The following ARID4B variants were observed in gnomAD, a reference collection of about 807,000 sequenced individuals.
ARID4B encodes AT-rich interaction domain 4B, also known as AT-rich interactive domain-containing protein 4B.
In ARID4B, 26 loss-of-function variants were observed where a neutral mutation model predicts 147.5. The ratio of observed to expected loss-of-function variants is 0.18; its 90% CI spans 0.13 to 0.24. The LOEUF is 0.24. Ranked by LOEUF, ARID4B falls within the 10% of genes least tolerant of loss-of-function variation. The pLI is 1.00. For synonymous variants in ARID4B, 512 were observed against 507.9 expected (o/e 1.01, Z -0.11); for missense variants, 1,179 against 1,511.5 (o/e 0.78, Z 3.65).
rs556868140 is a variant in ARID4B at position 235,276,386 on chromosome 1, A to T, written c.7-15634T>A. On this transcript the variant is annotated intron_variant, in intron 2 of 23. Transcript: ENST00000264183. The stretch of plus-strand genomic sequence containing the variant: ...CAGATGCGTCTGGCCCTACAATCTT[A>T]TTAAAAATATATTTACACTTTTTAA... 2.6e-3 allele frequency among the ~76,000 whole-genome samples: 398 copies of T among 152,258 alleles called. 2 individuals are homozygous for T. The highest frequency in any genetic ancestry group is 0.024 in the Middle Eastern group (7 of 294).
intron 17 of ARID4B, among the ~76,000 whole-genome samples, chr1:235,198,630 G>A (rs576061143): frequency 1.3e-5 from 2 of 152,260 alleles, no homozygotes; most frequent in South Asian, 2.1e-4. Flanking sequence ...AAAGAAGGAT[G>A]GTACAAGAGG....
chr1:235,226,978 G>C (rs2103038928), intron 11 of ARID4B, among the ~76,000 whole-genome samples: 1 of 152,268 alleles, frequency 6.6e-6, no homozygotes, highest in South Asian at 2.1e-4. Context: ...AGGAGCAGTA[G>C]TAGTTTAGAC....
At position 235,229,210 on chromosome 1, in the gene ARID4B, G is replaced by A. The variant is rs202224269; in HGVS notation, c.897+21C>T. On this transcript the variant is annotated intron_variant, in intron 11 of 23. Transcript: ENST00000264183. ...CAACTGTTATTTATAATTTTAAAAGGTATCAACTGTTTTCACTTACTTCTT... is the reference window on the plus strand; with the variant it reads ...CAACTGTTATTTATAATTTTAAAAGATATCAACTGTTTTCACTTACTTCTT... The A allele has an allele frequency of 2.1e-4, 334 of 1,605,140 alleles. 1 individual carries two copies. In the African/African-American group the frequency reaches 4.0e-3, roughly 19 times the overall value.
intron 2 of ARID4B, among the ~76,000 whole-genome samples, chr1:235,309,947 G>C (rs1039771031): frequency 6.6e-6 from 1 of 152,130 alleles, no homozygotes; most frequent in African/African-American, 2.4e-5. Context: ...GGAGGTGCAA[G>C]ATGTGCTTTG....
At chr1:235,314,744 CAAT>C (rs1674312185) in intron 2 of ARID4B, among the ~76,000 whole-genome samples, 2 of 151,970 alleles carry the variant, frequency 1.3e-5, no homozygotes. Context: ...TGATATATAA[CAAT>C]ATATATAACA....
At chr1:235,240,760 C>A (rs951410072) in intron 7 of ARID4B, among the ~76,000 whole-genome samples, 1 of 152,044 alleles carries the variant, frequency 6.6e-6, no homozygotes, top group African/African-American at 2.4e-5. Context: ...TATTAAACAT[C>A]CCAGTATTAC....
intron 2 of ARID4B, among the ~76,000 whole-genome samples, chr1:235,265,686 G>A (rs1231885363): frequency 7.0e-6 from 1 of 143,160 alleles, no homozygotes; most frequent in Non-Finnish European, 1.5e-5. Context: ...GCGACACTGA[G>A]ACCTTGTCTC....
intron 11 of ARID4B, among the ~76,000 whole-genome samples, chr1:235,226,395 C>A (rs1028033563): frequency 6.6e-6 from 1 of 152,156 alleles, no homozygotes; most frequent in African/African-American, 2.4e-5. Context: ...GAGTCTTGCT[C>A]TGTCGCCCAG....
intron 16 of ARID4B, among the ~76,000 whole-genome samples, chr1:235,216,998 T>C (rs1231000467): frequency 1.3e-5 from 2 of 152,208 alleles, no homozygotes; most frequent in African/African-American, 4.8e-5. Flanking sequence ...CATCATAGAA[T>C]ACACTGAGTT....
chr1:235,184,963 C>T (rs1455378009), intron 19 of ARID4B, among the ~76,000 whole-genome samples: 1 of 152,118 alleles, frequency 6.6e-6, no homozygotes, highest in East Asian at 1.9e-4. Flanking sequence ...ACTACAGGCA[C>T]ATGCCACCAT....
At chr1:235,202,609 G>A (rs980812734) in intron 17 of ARID4B, among the ~76,000 whole-genome samples, 5 of 151,398 alleles carry the variant, frequency 3.3e-5, no homozygotes, top group African/African-American at 4.9e-5. Flanking sequence ...GAGTGCAATG[G>A]TGCGATCTCA....
intron 17 of ARID4B, 145 bp downstream of exon 17, chr1:235,213,624 T>G: frequency 1.2e-6 from 1 of 843,416 alleles, no homozygotes; most frequent in Non-Finnish European, 1.8e-6. Context: ...AGTGAGGTAT[T>G]TACATGCTAA....
intron 2 of ARID4B, among the ~76,000 whole-genome samples, chr1:235,323,928 A>G (rs1041550400): frequency 6.7e-6 from 1 of 148,566 alleles, no homozygotes; most frequent in African/African-American, 2.5e-5. Flanking sequence ...TTTGAGAGAG[A>G]GAGTTTCACT....
At chr1:235,246,156 G>C (rs1669287692) in intron 7 of ARID4B, among the ~76,000 whole-genome samples, 1 of 152,156 alleles carries the variant, frequency 6.6e-6, no homozygotes, top group Non-Finnish European at 1.5e-5. Flanking sequence ...ATGTATTCAG[G>C]AATTATTGAC....
intron 2 of ARID4B, among the ~76,000 whole-genome samples, chr1:235,264,466 C>T (rs1234536057): frequency 1.3e-5 from 2 of 152,122 alleles, no homozygotes; most frequent in East Asian, 3.9e-4. Flanking sequence ...ATAGAGCAGA[C>T]TGATTAATAG....
chr1:235,238,915 A>G (rs2382617), intron 8 of ARID4B, among the ~76,000 whole-genome samples: 70,804 of 149,456 alleles, frequency 0.47, 17,152 homozygotes, highest in South Asian at 0.6. Flanking sequence ...TGGTCTTCAG[A>G]TAAAATCATC....
chr1:235,282,881 C>G (rs1300278439), intron 2 of ARID4B, among the ~76,000 whole-genome samples: 1 of 152,114 alleles, frequency 6.6e-6, no homozygotes, highest in Non-Finnish European at 1.5e-5. Context: ...ACCGGGTTCA[C>G]GCCATTCTCC....
rs990169778 is a variant in ARID4B, at chr1:235,221,202, A to G, written c.1163+363T>C. On this transcript the variant is annotated intron_variant, in intron 14 of 23. Coordinates refer to ENST00000264183, the MANE Select transcript of ARID4B (RefSeq NM_016374.6). ...CATGAGCCACCGTGCCTGGCCAAGCATTCCATTTTACAAATGAAGAAACTG... is the reference window on the plus strand; with the variant it reads ...CATGAGCCACCGTGCCTGGCCAAGCGTTCCATTTTACAAATGAAGAAACTG... Among the ~76,000 whole-genome samples, 6 of 152,250 alleles carry G rather than the reference A, an allele frequency of 3.9e-5. No homozygotes were observed. In the South Asian group the frequency reaches 8.3e-4, roughly 21 times the overall value.
chr1:235,254,903 A>G (rs1009406237), intron 5 of ARID4B, among the ~76,000 whole-genome samples: 2 of 152,004 alleles, frequency 1.3e-5, no homozygotes, highest in African/African-American at 4.8e-5. Flanking sequence ...TGTCCAAATT[A>G]GCAAAAAATT....
Sources: allele counts gnomAD v4.1 joint callset (sites outside exome capture counted in the v4.1 genomes callset), GRCh38; gene constraint gnomAD v4.1.1; transcripts MANE v1.5; gene names NCBI Gene and HGNC (gene_info 2026-07-23, HGNC 2026-07-21).